MALRD1: variants seen among roughly 807,000 people sequenced by gnomAD.
MALRD1 encodes the protein MAM and LDL-receptor class A domain-containing protein 1.
A neutral mutation model predicts 242.1 loss-of-function variants in MALRD1; 247 were observed. The ratio of observed to expected loss-of-function variants is 1.02; its 90% confidence interval spans 0.92 to 1.13. The LOEUF is 1.13. Among genes scored for constraint, MALRD1 ranks in the 50% most tolerant of loss-of-function variants. The pLI is 0.00. For missense variants in MALRD1, 2,989 were observed against 2,533.1 expected (o/e 1.18, Z -3.86); for synonymous variants, 995 against 866.6 (o/e 1.15, Z -2.60).
intron 26 of MALRD1, among the ~76,000 whole-genome samples, chr10:19,369,642 TAAAAA>T (rs35791083): frequency 2.0e-5 from 3 of 150,056 alleles, no homozygotes; most frequent in Non-Finnish European, 4.4e-5. Flanking sequence ...CAGATATATT[TAAAAA>T]AAATACATAT....
chr10:19,616,437 G>A (rs1443425162), intron 36 of MALRD1, among the ~76,000 whole-genome samples: 3 of 151,914 alleles, frequency 2.0e-5, no homozygotes, highest in Non-Finnish European at 4.4e-5. Flanking sequence ...ACAAAAATAG[G>A]CGTTGTGATT....
intron 1 of MALRD1, among the ~76,000 whole-genome samples, chr10:19,061,274 C>T (rs140551648): frequency 2.6e-5 from 4 of 152,236 alleles, no homozygotes; most frequent in Non-Finnish European, 5.9e-5. Context: ...TGTTGAAAGA[C>T]ATTTACAAAG....
chr10:19,141,731 T>G (rs578225316), intron 10 of MALRD1, among the ~76,000 whole-genome samples: 1 of 152,202 alleles, frequency 6.6e-6, no homozygotes, highest in South Asian at 2.1e-4. Flanking sequence ...ATTATAGGAC[T>G]TTAAAAACAA....
At chr10:19,096,151 A>G (rs191274931) in intron 4 of MALRD1, among the ~76,000 whole-genome samples, 2 of 152,270 alleles carry the variant, frequency 1.3e-5, no homozygotes, top group African/African-American at 4.8e-5. Context: ...GGAACTTGCT[A>G]TATCTTGTAG....
intron 19 of MALRD1, among the ~76,000 whole-genome samples, chr10:19,273,768 A>G (rs1840369991): frequency 6.6e-6 from 1 of 152,158 alleles, no homozygotes; most frequent in Non-Finnish European, 1.5e-5. Context: ...GAGCAGTAAA[A>G]CTAGTCTGCA....
chr10:19,400,406 T>C (rs950084821), intron 28 of MALRD1, among the ~76,000 whole-genome samples: 1 of 152,210 alleles, frequency 6.6e-6, no homozygotes, highest in African/African-American at 2.4e-5. Flanking sequence ...GGCACTGCTA[T>C]GCTGCATGAT....
intron 21 of MALRD1, among the ~76,000 whole-genome samples, chr10:19,316,341 A>G (rs949651913): frequency 2.6e-5 from 4 of 151,870 alleles, no homozygotes; most frequent in African/African-American, 9.7e-5. Flanking sequence ...GTCAAAAACA[A>G]GACTTTCTTG....
chr10:19,148,510 A>G (rs185050220), intron 11 of MALRD1, among the ~76,000 whole-genome samples: 269 of 152,226 alleles, frequency 1.8e-3, no homozygotes, highest in African/African-American at 6.0e-3. Context: ...GAAGACTAGG[A>G]AAAACACCAG....
intron 19 of MALRD1, among the ~76,000 whole-genome samples, chr10:19,268,049 G>A (rs531577633): frequency 6.6e-6 from 1 of 152,094 alleles, no homozygotes; most frequent in South Asian, 2.1e-4. Flanking sequence ...TCTCTTAATT[G>A]AGAGAAATGC....
chr10:19,331,550 C>A lies in MALRD1; in HGVS notation c.3869C>A (p.Ala1290Asp). Reference sequence around the variant, plus strand: ...CTGTGTGATTTTGTGAATGATTGTGCTGATAATTCAGATGAGACTACTTTC... The same window carrying A: ...CTGTGTGATTTTGTGAATGATTGTGATGATAATTCAGATGAGACTACTTTC... Reference protein sequence around the residue: ...DKLCDFVNDCADNSDETTFIC... With the variant: ...DKLCDFVNDCDDNSDETTFIC... Residue 1290 changes from alanine (A) to aspartate (D), a missense_variant, in exon 24 of 40, where the codon GCT (alanine) becomes GAT (aspartate). By Grantham distance (126) the Ala-to-Asp change is moderately radical. Coordinates refer to ENST00000454679, the MANE Select transcript of MALRD1 (RefSeq NM_001142308.3). 1 of 1,550,198 alleles carries A rather than the reference C, an allele frequency of 6.5e-7. No individual in the cohort carries two copies. The highest frequency in any genetic ancestry group is 8.7e-7 in the Non-Finnish European group (1 of 1,146,758).
rs1289924925 is a variant in MALRD1 at position 19,171,422 on chromosome 10, TTATATACATATATATATA to T, written c.1831-3779_1831-3762del. Among the ~76,000 whole-genome samples, 37 of 36,274 alleles carry T rather than the reference TTATATACATATATATATA, an allele frequency of 1.0e-3. 3 individuals carry two copies. The South Asian group carries it at 0.033, about 33-fold the overall frequency. The allele number at this position is 36,274 out of a possible 152,430, so 23.8% of individuals were successfully genotyped here. A position where few individuals can be genotyped will look rare whatever the true frequency, so the allele number is the denominator to read the frequency against. ...GGAATTGGTCACAACATTTTATATT[TTATATACATATATATATA>T]TATATATATATATATATACACACAT... On this transcript the variant is annotated intron_variant, in intron 13 of 39. Transcript: ENST00000454679.
chr10:19,587,242 G>C (rs960964620), intron 33 of MALRD1, among the ~76,000 whole-genome samples: 2 of 152,154 alleles, frequency 1.3e-5, no homozygotes, highest in Non-Finnish European at 2.9e-5. Flanking sequence ...TGGCCATCTT[G>C]GCTCCTCCCC....
At chr10:19,351,646 T>G (rs1844381520) in intron 25 of MALRD1, among the ~76,000 whole-genome samples, 1 of 152,212 alleles carries the variant, frequency 6.6e-6, no homozygotes, top group South Asian at 2.1e-4. Flanking sequence ...TCATGAAAAG[T>G]CTTTTTGTAT....
chr10:19,070,982 G>T (rs1835129261), intron 2 of MALRD1, among the ~76,000 whole-genome samples: 1 of 151,258 alleles, frequency 6.6e-6, no homozygotes, highest in African/African-American at 2.4e-5. Flanking sequence ...CTCCTGAGTA[G>T]CTGGGATTAC....
intron 20 of MALRD1, 43 bp downstream of exon 20, chr10:19,280,266 A>G (rs1258966165): frequency 9.4e-6 from 13 of 1,383,036 alleles, no homozygotes; most frequent in Non-Finnish European, 1.2e-5. Flanking sequence ...GCTACAAAAT[A>G]GAAAATGCAA....
At chr10:19,288,709 C>G (rs772122401) in intron 21 of MALRD1, among the ~76,000 whole-genome samples, 3 of 152,144 alleles carry the variant, frequency 2.0e-5, no homozygotes, top group African/African-American at 4.8e-5. Context: ...CCTTCCTCCT[C>G]TCATTCTGAT....
intron 32 of MALRD1, among the ~76,000 whole-genome samples, chr10:19,536,350 C>CTT (rs71870185): frequency 3.0e-4 from 43 of 145,596 alleles, no homozygotes; most frequent in Middle Eastern, 3.6e-3. Context: ...TTTTTCTTTT[C>CTT]TTTTTTTTTT....
At chr10:19,073,745 A>G (rs971754182) in intron 2 of MALRD1, among the ~76,000 whole-genome samples, 3 of 152,168 alleles carry the variant, frequency 2.0e-5, no homozygotes, top group Non-Finnish European at 4.4e-5. Flanking sequence ...GGTAAGAGAT[A>G]CTGAACCTGT....
At chr10:19,434,191 C>G (rs746856586) in intron 28 of MALRD1, among the ~76,000 whole-genome samples, 1 of 152,156 alleles carries the variant, frequency 6.6e-6, no homozygotes, top group Non-Finnish European at 1.5e-5. Flanking sequence ...TTAAAGAACA[C>G]TATTCTAGCA....
Sources: gnomAD v4.1 joint callset for allele counts (sites outside exome capture counted in the v4.1 genomes callset) on GRCh38, gnomAD v4.1.1 for gene constraint, MANE v1.5 for transcripts, NCBI Gene and HGNC (gene_info 2026-07-23, HGNC 2026-07-21) for gene names.